Variants in CAMK1D observed in about 807,000 individuals in gnomAD.
CAMK1D encodes the protein calcium/calmodulin dependent protein kinase ID.
Under a neutral mutation model 47.7 loss-of-function variants are expected in CAMK1D, and 9 were observed. That is an observed-to-expected ratio of 0.19 (90% CI 0.11 to 0.33). The LOEUF (loss-of-function observed/expected upper bound fraction) is 0.33. CAMK1D is among the 10% of genes least tolerant of loss of function. The pLI is 1.00. For missense variants in CAMK1D, 291 were observed against 488.7 expected (o/e 0.60, Z 3.81); for synonymous variants, 184 against 184.9 (o/e 0.99, Z 0.04).
intron 1 of CAMK1D, among the ~76,000 whole-genome samples, chr10:12,375,181 T>C (rs927364407): frequency 6.6e-6 from 1 of 152,186 alleles, no homozygotes; most frequent in Non-Finnish European, 1.5e-5. Context: ...ATGTGATCTC[T>C]TACACGTGAT....
chr10:12,678,226 C>T (rs1296075830), intron 3 of CAMK1D, among the ~76,000 whole-genome samples: 1 of 151,994 alleles, frequency 6.6e-6, no homozygotes, highest in Non-Finnish European at 1.5e-5. Context: ...AAGATATTTT[C>T]CCTTGTGATT....
At position 12,834,020 on chromosome 10, in the gene CAMK1D, T is replaced by G. The variant is rs1833464676; in HGVS notation, c.*5133T>G. 6.6e-6 allele frequency: 1 copy of G among 152,048 alleles called. No homozygotes were observed. The highest frequency in any genetic ancestry group is 2.1e-4 in the South Asian group (1 of 4,816). 9.4% of individuals were successfully genotyped at this position (152,048 alleles called of 1,614,324 possible). A position where few individuals can be genotyped will look rare whatever the true frequency, so the allele number is the denominator to read the frequency against. On this transcript the variant is annotated 3_prime_UTR_variant, in exon 11 of 11. Coordinates refer to ENST00000619168, the MANE Select transcript of CAMK1D (RefSeq NM_153498.4). ...TGGGGCTGCAGGTGTGCCTGACATT[T>G]GCAAAAGATATTCCAGTCTTTCGAT...
In CAMK1D at chr10:12,749,566, G is replaced by GTTTT. The variant is rs796640778; in HGVS notation, c.300-11379_300-11378insTTTT. The stretch of plus-strand genomic sequence containing the variant: ...TTGTTTGTTTTTTGTTTGTTTGTTT[G>GTTTT]TTTGTTTGTTTTGATGAAGTCTCGC... On this transcript the variant is annotated intron_variant, in intron 3 of 10. Transcript: ENST00000619168. Among the ~76,000 whole-genome samples the GTTTT allele has an allele frequency of 1.1e-4, 13 of 118,896 alleles. 1 individual carries two copies. The highest frequency in any genetic ancestry group is 4.4e-4 in the African/African-American group (12 of 27,370). 78.0% of individuals were successfully genotyped at this position (118,896 alleles called of 152,430 possible).
At chr10:12,648,455 C>CTATT (rs926841527) in intron 2 of CAMK1D, among the ~76,000 whole-genome samples, 14 of 152,092 alleles carry the variant, frequency 9.2e-5, no homozygotes, top group Non-Finnish European at 1.3e-4. Context: ...CTTTCGCTTG[C>CTATT]TATTTATTTA....
chr10:12,731,768 C>T (rs888223775), intron 3 of CAMK1D, among the ~76,000 whole-genome samples: 6 of 152,088 alleles, frequency 3.9e-5, no homozygotes, highest in South Asian at 4.1e-4. Context: ...GGAGGATTAT[C>T]GGAATCTGGG....
intron 1 of CAMK1D, among the ~76,000 whole-genome samples, chr10:12,402,441 G>A (rs1244706600): frequency 1.4e-4 from 21 of 151,920 alleles, no homozygotes; most frequent in Non-Finnish European, 1.3e-4. Context: ...CATGTTACTC[G>A]GGCTAGTCTC....
intron 6 of CAMK1D, among the ~76,000 whole-genome samples, chr10:12,796,124 A>G (rs1369731802): frequency 1.3e-5 from 2 of 152,180 alleles, no homozygotes; most frequent in Non-Finnish European, 2.9e-5. Context: ...TTTAACGATC[A>G]TTTGCCTAAA....
rs573152297 is a variant in CAMK1D at position 12,474,254 on chromosome 10, A to G, written c.93-78971A>G. On this transcript the variant is annotated intron_variant, in intron 1 of 10. Transcript: ENST00000619168. ...TGCTCTGTCACCCAGGCTGGAGTGC[A>G]GTGGTGCAATCTCGGCTCACTGCAA... is the stretch of plus-strand genomic sequence containing the variant. Among the ~76,000 whole-genome samples, 5 of 142,322 alleles carry G rather than the reference A, an allele frequency of 3.5e-5. No individual in the cohort carries two copies. In the South Asian group the frequency reaches 6.6e-4, roughly 19 times the overall value. The allele number at this position is 142,322 out of a possible 152,430, so 93.4% of individuals were successfully genotyped here.
At chr10:12,826,495 G>A (rs1248431498) in intron 10 of CAMK1D, among the ~76,000 whole-genome samples, 4 of 151,854 alleles carry the variant, frequency 2.6e-5, no homozygotes, top group Admixed American at 2.6e-4. Flanking sequence ...TTCCATCATC[G>A]AAGGCACACT....
chr10:12,626,832 A>G (rs1839231905), intron 2 of CAMK1D, among the ~76,000 whole-genome samples: 1 of 152,164 alleles, frequency 6.6e-6, no homozygotes, highest in Non-Finnish European at 1.5e-5. Flanking sequence ...CATCTGTTTT[A>G]GAACATCATC....
chr10:12,520,288 A>T lies in CAMK1D; in HGVS notation c.93-32937A>T, dbSNP rs1835365146. On this transcript the variant is annotated intron_variant, in intron 1 of 10. Coordinates refer to ENST00000619168, the MANE Select transcript of CAMK1D (RefSeq NM_153498.4). ...CCAGCAGAGGCGCTCCTCACATCCT[A>T]GACAGGGCGGCGGGGCAGAGGCGCT... Among the ~76,000 whole-genome samples the T allele has an allele frequency of 3.6e-5, 3 of 83,720 alleles. 1 individual carries two copies. The highest frequency in any genetic ancestry group is 3.5e-4 in the Admixed American group (3 of 8,562). The allele number at this position is 83,720 out of a possible 152,430, so 54.9% of individuals were successfully genotyped here. A position where few individuals can be genotyped will look rare whatever the true frequency, so the allele number is the denominator to read the frequency against.
At chr10:12,690,198 T>G (rs1832822495) in intron 3 of CAMK1D, among the ~76,000 whole-genome samples, 1 of 152,216 alleles carries the variant, frequency 6.6e-6, no homozygotes, top group African/African-American at 2.4e-5. Flanking sequence ...CTGCCAGAAA[T>G]ATGTGTAGCC....
intron 2 of CAMK1D, among the ~76,000 whole-genome samples, chr10:12,556,395 T>C (rs573083693): frequency 6.6e-6 from 1 of 152,322 alleles, no homozygotes; most frequent in African/African-American, 2.4e-5. Context: ...TGTCACTAAG[T>C]ACGTGCAGTG....
intron 10 of CAMK1D, 129 bp downstream of exon 10, chr10:12,825,819 T>C: frequency 6.6e-7 from 1 of 1,505,700 alleles, no homozygotes; most frequent in East Asian, 2.3e-5. Flanking sequence ...TCCCATGTCA[T>C]GCGACCCTAG....
intron 4 of CAMK1D, among the ~76,000 whole-genome samples, chr10:12,765,354 G>C (rs115675942): frequency 6.6e-6 from 1 of 152,126 alleles, no homozygotes; most frequent in South Asian, 2.1e-4. Context: ...AGCTAGACGA[G>C]TAGGGATTTA....
chr10:12,402,533 T>A (rs1839267079), intron 1 of CAMK1D, among the ~76,000 whole-genome samples: 1 of 152,348 alleles, frequency 6.6e-6, no homozygotes, highest in Non-Finnish European at 1.5e-5. Context: ...TTGGTTTTTA[T>A]CCTGTCAGTG....
At chr10:12,391,786 C>T (rs1000898002) in intron 1 of CAMK1D, among the ~76,000 whole-genome samples, 3 of 152,120 alleles carry the variant, frequency 2.0e-5, no homozygotes, top group Non-Finnish European at 2.9e-5. Context: ...AAGACTAGAA[C>T]CGAATCATCC....
intron 3 of CAMK1D, among the ~76,000 whole-genome samples, chr10:12,684,916 G>C (rs537550053): frequency 1.3e-5 from 2 of 152,312 alleles, no homozygotes; most frequent in Non-Finnish European, 2.9e-5. Context: ...TAGAATTGGA[G>C]GAGAACAGCT....
At chr10:12,393,068 G>A in intron 1 of CAMK1D, among the ~76,000 whole-genome samples, 4 of 143,744 alleles carry the variant, frequency 2.8e-5, no homozygotes. Context: ...GTTTTGCTCT[G>A]TTGCCCAGGC....
Sources: gnomAD v4.1 joint callset for allele counts (sites outside exome capture counted in the v4.1 genomes callset) on GRCh38, gnomAD v4.1.1 for gene constraint, MANE v1.5 for transcripts, NCBI Gene and HGNC (gene_info 2026-07-23, HGNC 2026-07-21) for gene names.